The following ANK1 variants were observed in gnomAD, a reference collection of about 807,000 sequenced individuals.
The protein encoded by ANK1 is ankyrin-1.
Under a neutral mutation model 210.4 loss-of-function variants are expected in ANK1, and 51 were observed. The ratio of observed to expected loss-of-function variants is 0.24; its 90% confidence interval spans 0.19 to 0.31. The LOEUF is 0.31. Ranked by LOEUF, ANK1 falls within the 10% of genes least tolerant of loss-of-function variation. The pLI is 1.00. For missense variants in ANK1, 2,051 were observed against 2,504.4 expected, an observed-to-expected ratio of 0.82 and a Z score of 3.86; for synonymous variants, 967 against 1,025.9, an observed-to-expected ratio of 0.94 and a Z score of 1.10.
Position 41,718,181 on chromosome 8 carries a change from G to T in ANK1, c.1131C>A (p.Ile377=), listed in dbSNP as rs373336198. The T allele has an allele frequency of 1.2e-6, 2 of 1,613,928 alleles. No individual in the cohort carries two copies. Among genetic ancestry groups the T allele is most frequent in the Non-Finnish European group, 1.7e-6 (2 of 1,179,964 alleles). Residue 377 remains isoleucine (I), a synonymous_variant, in exon 11 of 43, where the codon ATC becomes ATA. Transcript: ENST00000289734. ...CACGGACGTGGTTCTTTTTGCAGGC[G>T]ATGTGTAAGGGGGTAAAGCCATTCT... The part of the protein sequence containing the change: ...RALNGFTPLH[I]ACKKNHVRVM...
At chr8:41,673,648 C>A (rs986971869) in intron 37 of ANK1, among the ~76,000 whole-genome samples, 3 of 152,210 alleles carry the variant, frequency 2.0e-5, no homozygotes, top group African/African-American at 4.8e-5. Context: ...GCCCCAAAAC[C>A]CTGTGTCCAA....
At chr8:41,723,473 G>A (rs1319002723) in intron 8 of ANK1, 62 bp downstream of exon 8, 18 of 1,579,566 alleles carry the variant, frequency 1.1e-5, no homozygotes, top group Non-Finnish European at 1.6e-5. Flanking sequence ...GCTGCTCTGG[G>A]TGAGGCTTGT....
At chr8:41,830,418 C>T (rs1291792681) in intron 1 of ANK1, among the ~76,000 whole-genome samples, 1 of 151,770 alleles carries the variant, frequency 6.6e-6, no homozygotes, top group African/African-American at 2.4e-5. Flanking sequence ...CAAAAGTATT[C>T]TTCATTCTGG....
chr8:41,734,817 C>A (rs1470925791), intron 2 of ANK1, among the ~76,000 whole-genome samples: 1 of 151,990 alleles, frequency 6.6e-6, no homozygotes, highest in Non-Finnish European at 1.5e-5. Context: ...GTGGGAGAAT[C>A]ACCTGAGCCC....
intron 2 of ANK1, among the ~76,000 whole-genome samples, chr8:41,745,154 G>A (rs528929642): frequency 6.6e-6 from 1 of 152,262 alleles, no homozygotes; most frequent in South Asian, 2.1e-4. Context: ...GGGAGCGGAG[G>A]GAGAAAGAAG....
chr8:41,688,329 G>C lies in ANK1; in HGVS notation c.4184-99C>G, dbSNP rs922150269. 2.1e-5 allele frequency: 30 copies of C among 1,455,790 alleles called. No homozygotes were observed. The African/African-American group carries it at 3.9e-4, about 19-fold the overall frequency. The allele number at this position is 1,455,790 out of a possible 1,614,324, so 90.2% of individuals were successfully genotyped here. Reference sequence around the variant, plus strand: ...GATGGATGTGGCTTCCGTGTGCACTGGGGTGATTGTCTAGACTCTCTGCAA... The same window carrying C: ...GATGGATGTGGCTTCCGTGTGCACTCGGGTGATTGTCTAGACTCTCTGCAA... On this transcript the variant is annotated intron_variant, in intron 34 of 42. Coordinates refer to ENST00000289734, the MANE Select transcript of ANK1 (RefSeq NM_000037.4).
Position 41,708,799 on chromosome 8 carries a change from G to A in ANK1, c.1977C>T (p.Ala659=), listed in dbSNP as rs933890479. 1 of 1,614,012 alleles carries A rather than the reference G, an allele frequency of 6.2e-7. No homozygotes were observed. ...EMVALLLSKQ[A]NGNLGNKSGL... Reference sequence around the variant, plus strand: ...CTACCTTGTTCCCCAGGTTGCCATTGGCTTGTTTCGAGAGCAGCAGAGCCA... The same window carrying A: ...CTACCTTGTTCCCCAGGTTGCCATTAGCTTGTTTCGAGAGCAGCAGAGCCA... The change falls in exon 17 of 43, where the codon GCC becomes GCT. Residue 659 remains alanine, a synonymous_variant. Transcript: ENST00000289734.
chr8:41,694,741 G>A lies in ANK1; in HGVS notation c.3178C>T (p.Pro1060Ser). Residue 1060 changes from proline to serine, a missense_variant, in exon 28 of 43, where the codon CCG (proline) becomes TCG (serine). By Grantham distance (74) the Pro-to-Ser change is moderately conservative. Transcript: ENST00000289734. The surrounding 1 kb of genome is among the most constrained non-coding windows in gnomAD (Gnocchi z 5.7). Reference sequence around the variant, plus strand: ...CGTGACATGATCACGAAGTACAGCGGGAAGTCGGTGGTGATGATTCGGCAC... The same window carrying A: ...CGTGACATGATCACGAAGTACAGCGAGAAGTCGGTGGTGATGATTCGGCAC... ...RVCRIITTDF[P>S]LYFVIMSRLC... The A allele has an allele frequency of 1.2e-6, 2 of 1,614,178 alleles. No individual in the cohort carries two copies. The highest frequency in any genetic ancestry group is 1.7e-6 in the Non-Finnish European group (2 of 1,180,044).
At chr8:41,783,081 C>T (rs1459292331) in intron 1 of ANK1, among the ~76,000 whole-genome samples, 1 of 152,218 alleles carries the variant, frequency 6.6e-6, no homozygotes, top group Non-Finnish European at 1.5e-5. Context: ...AATTAGACGA[C>T]ATTTGGATAA....
intron 2 of ANK1, among the ~76,000 whole-genome samples, chr8:41,747,254 T>C (rs942257501): frequency 6.6e-6 from 1 of 152,106 alleles, no homozygotes; most frequent in Non-Finnish European, 1.5e-5. Context: ...CCAATTCTCA[T>C]TCCTCCTCTA....
chr8:41,834,068 G>A (rs374342664), intron 1 of ANK1, among the ~76,000 whole-genome samples: 7 of 152,186 alleles, frequency 4.6e-5, no homozygotes, highest in East Asian at 1.9e-4. Flanking sequence ...GGCACCAGAT[G>A]GAGGCCTAGC....
Position 41,661,432 on chromosome 8 carries a change from C to T in ANK1, c.*34G>A. On this transcript the variant is annotated splice_region_variant and 3_prime_UTR_variant, in exon 42 of 43. Transcript: ENST00000289734. ...GGGGATGAGAAGGGCAGCGTTACCT[C>T]CCGAGAGGCTACTCCAAGGAGAGCG... 6.2e-7 allele frequency: 1 copy of T among 1,614,020 alleles called. No homozygotes were observed.
intron 1 of ANK1, among the ~76,000 whole-genome samples, chr8:41,885,828 C>T (rs1483269718): frequency 6.6e-6 from 1 of 152,234 alleles, no homozygotes; most frequent in Non-Finnish European, 1.5e-5. Context: ...ATGTTTCAGA[C>T]TTTGAAGTTT....
Position 41,696,657 on chromosome 8 carries a change from C to G in ANK1, c.2735+19G>C, listed in dbSNP as rs774316017. ...GGAGATGGAGACAGGAGTCCCCGAG[C>G]CCTGCGCCCGCCACTCACCCTGTAT... On this transcript the variant is annotated intron_variant, in intron 25 of 42. Coordinates refer to ENST00000289734, the MANE Select transcript of ANK1 (RefSeq NM_000037.4). The G allele has an allele frequency of 1.8e-5, 29 of 1,605,376 alleles. No homozygotes were observed. In the South Asian group the frequency reaches 2.9e-4, roughly 16 times the overall value.
chr8:41,895,980 G>C (rs1158736396), intron 1 of ANK1, among the ~76,000 whole-genome samples: 1 of 152,216 alleles, frequency 6.6e-6, no homozygotes, highest in Admixed American at 6.5e-5. Context: ...CGGGTGCGGC[G>C]CGCCCGAGCA....
intron 21 of ANK1, 140 bp downstream of exon 21, chr8:41,701,912 A>G: frequency 1.1e-6 from 1 of 892,064 alleles, no homozygotes; most frequent in Non-Finnish European, 1.8e-6. Flanking sequence ...AAGGAGGACA[A>G]GCTCCCACCC....
chr8:41,661,675 G>A lies in ANK1; in HGVS notation c.5545-111C>T, dbSNP rs748481529. The A allele has an allele frequency of 1.9e-6, 3 of 1,599,324 alleles. No individual in the cohort carries two copies. The East Asian group carries it at 6.7e-5, about 36-fold the overall frequency. ...AGGTGGCAGACACACTGCCCACCAG[G>A]GAGAAGAGAGACTGGAGAGAGAGCT... is the stretch of plus-strand genomic sequence containing the variant. On this transcript the variant is annotated intron_variant, in intron 41 of 42. Coordinates refer to ENST00000289734, the MANE Select transcript of ANK1 (RefSeq NM_000037.4).
chr8:41,700,431 C>A, intron 22 of ANK1: 3 of 1,613,434 alleles, frequency 1.9e-6, no homozygotes, highest in Non-Finnish European at 2.5e-6. Context: ...CATTTCATAC[C>A]CATTATAGTT....
intron 2 of ANK1, among the ~76,000 whole-genome samples, chr8:41,746,557 ACT>A (rs1563646948): frequency 6.6e-6 from 1 of 152,048 alleles, no homozygotes; most frequent in Non-Finnish European, 1.5e-5. Flanking sequence ...GAGGAAAAAC[ACT>A]CTAATCCTTT....
Sources: allele counts gnomAD v4.1 joint callset (sites outside exome capture counted in the v4.1 genomes callset), GRCh38; gene constraint gnomAD v4.1.1; non-coding constraint Gnocchi (gnomAD v3.1); transcripts MANE v1.5; gene names NCBI Gene and HGNC (gene_info 2026-07-23, HGNC 2026-07-21).